SBNO2: variants seen among roughly 807,000 people sequenced by gnomAD.
SBNO2 encodes protein strawberry notch homolog 2.
A neutral mutation model predicts 146.3 loss-of-function variants in SBNO2; 89 were observed. That is an observed-to-expected ratio of 0.61 (90% CI 0.51 to 0.73). The LOEUF (loss-of-function observed/expected upper bound fraction) is 0.73. Among genes scored for constraint, SBNO2 ranks in the 30% least tolerant of loss-of-function variants. The pLI is 0.00. For synonymous variants in SBNO2, 1,147 were observed against 892.6 expected, an observed-to-expected ratio of 1.29 and a Z score of -5.08; for missense variants, 2,092 against 2,003.7, an observed-to-expected ratio of 1.04 and a Z score of -0.84.
chr19:1,113,625 C>T lies in SBNO2; in HGVS notation c.2157G>A (p.Leu719=). 3 of 1,599,618 alleles carry T rather than the reference C, an allele frequency of 1.9e-6. No individual in the cohort carries two copies. The highest frequency in any genetic ancestry group is 2.6e-6 in the Non-Finnish European group (3 of 1,174,658). The change falls in exon 19 of 32, where the codon CTG becomes CTA. Residue 719 remains leucine (L), a synonymous_variant. Transcript: ENST00000361757. Reference sequence around the variant, plus strand: ...CCCGGCCCAGCCGCCGCACTTTGTCCAGCAGATCCTGCTTCAGCCGCTCCA... The same window carrying T: ...CCCGGCCCAGCCGCCGCACTTTGTCTAGCAGATCCTGCTTCAGCCGCTCCA... ...ERVERLKQDL[L]DKVRRLGREL...
chr19:1,114,189 T>TA, intron 18 of SBNO2, 42 bp downstream of exon 18: 1 of 1,407,626 alleles, frequency 7.1e-7, no homozygotes, highest in Non-Finnish European at 9.3e-7. Context: ...TGGACTGGAA[T>TA]CCTGACCCAC....
Position 1,119,526 on chromosome 19 carries a change from T to G in SBNO2, c.1363A>C (p.Ile455Leu), listed in dbSNP as rs764927662. ...GAGAAGGGCACTCACCTCTTCTCGA[T>G]GGCGTGCAGGAACTCCTCAAAGTTC... ...FRNFEEFLHAIEKRGVGAMEI... is the reference protein window; with the variant it reads ...FRNFEEFLHALEKRGVGAMEI... The change falls in exon 13 of 32, where the codon ATC (isoleucine) becomes CTC (leucine). Residue 455 changes from isoleucine to leucine, a missense_variant. Coordinates refer to ENST00000361757, the MANE Select transcript of SBNO2 (RefSeq NM_014963.3). The G allele has an allele frequency of 1.2e-6, 2 of 1,602,472 alleles. No homozygotes were observed. Among genetic ancestry groups the G allele is most frequent in the African/African-American group, 2.7e-5 (2 of 74,666 alleles).
In SBNO2 at chr19:1,109,654, T is replaced by C. The variant is rs748580681; in HGVS notation, c.3123+29A>G. On this transcript the variant is annotated intron_variant, in intron 27 of 31. Coordinates refer to ENST00000361757, the MANE Select transcript of SBNO2 (RefSeq NM_014963.3). The surrounding 1 kb of genome is among the most constrained non-coding windows in gnomAD (Gnocchi z 4.2). ...TGTGGTGGGGGCGGGGTGGGCAGAG[T>C]GTGAGGGGCTGTGGGGCTTCCTGCT... 8 of 1,597,976 alleles carry C rather than the reference T, an allele frequency of 5.0e-6. No homozygotes were observed. The Admixed American group carries it at 1.0e-4, about 20-fold the overall frequency.
chr19:1,138,677 C>A (rs2080107424), intron 4 of SBNO2, among the ~76,000 whole-genome samples: 1 of 151,562 alleles, frequency 6.6e-6, no homozygotes, highest in Non-Finnish European at 1.5e-5. Flanking sequence ...CACAGACAGA[C>A]ACAGTGGGGC....
In SBNO2 at chr19:1,150,101, G is replaced by A. The variant is rs2080228622; in HGVS notation, c.94-659C>T. ...GTCAGTGGAGGCGTGAGTGGCTCCA[G>A]GTTGGCCGAATCTCTGGTGGGTCTG... On this transcript the variant is annotated intron_variant, in intron 2 of 31. Transcript: ENST00000361757. This position sits in a 1 kb window ranked among gnomAD's most constrained non-coding sequence, Gnocchi z 6.2. Among the ~76,000 whole-genome samples the A allele has an allele frequency of 6.6e-6, 1 of 152,278 alleles. No individual in the cohort carries two copies. Among genetic ancestry groups the A allele is most frequent in the African/African-American group, 2.4e-5 (1 of 41,540 alleles).
At chr19:1,130,977 A>T (rs926669027) in intron 4 of SBNO2, among the ~76,000 whole-genome samples, 1 of 152,184 alleles carries the variant, frequency 6.6e-6, no homozygotes, top group Non-Finnish European at 1.5e-5. Flanking sequence ...GATTAGGGAC[A>T]GAGGGAGACG....
At chr19:1,151,208 C>A (rs2145308141) in intron 2 of SBNO2, among the ~76,000 whole-genome samples, 1 of 152,376 alleles carries the variant, frequency 6.6e-6, no homozygotes, top group South Asian at 2.1e-4. Flanking sequence ...AACCCAGCCT[C>A]CTCAGATGAG....
At chr19:1,164,409 AG>A (rs2080382142) in intron 1 of SBNO2, among the ~76,000 whole-genome samples, 2 of 96,390 alleles carry the variant, frequency 2.1e-5, no homozygotes, top group Non-Finnish European at 2.1e-5. Context: ...GAGGAGGAGG[AG>A]GAGGAGGAAC....
At chr19:1,115,718 A>C in intron 17 of SBNO2, 1 of 502,336 alleles carries the variant, frequency 2.0e-6, no homozygotes, top group Non-Finnish European at 3.6e-6. Flanking sequence ...GAGACCCTGA[A>C]AACGGAAGGT....
chr19:1,161,915 G>T (rs1205608691), intron 1 of SBNO2, among the ~76,000 whole-genome samples: 14 of 101,568 alleles, frequency 1.4e-4, no homozygotes, highest in African/African-American at 5.0e-4. Context: ...GCGGGGGGGG[G>T]GGGGGGGGGG....
At position 1,144,752 on chromosome 19, in the gene SBNO2, G is replaced by A. The variant is rs2080171261; in HGVS notation, c.279+2557C>T. On this transcript the variant is annotated intron_variant, in intron 4 of 31. Transcript: ENST00000361757. The surrounding 1 kb of genome is among the most constrained non-coding windows in gnomAD (Gnocchi z 4.1). ...GGGAGACAAAGAGACAGGTGGAGAG[G>A]GAGACAGAGAGACAGAGGCAGAGAC... Among the ~76,000 whole-genome samples, 1 of 145,304 alleles carries A rather than the reference G, an allele frequency of 6.9e-6. No homozygotes were observed. Among genetic ancestry groups the A allele is most frequent in the African/African-American group, 2.6e-5 (1 of 38,724 alleles).
chr19:1,116,798 C>T (rs367860432), intron 16 of SBNO2, 31 bp downstream of exon 16: 298 of 1,536,942 alleles, frequency 1.9e-4, no homozygotes, highest in Non-Finnish European at 2.4e-4. Context: ...GCGCAGGAAG[C>T]CCACAGTCCT....
chr19:1,122,624 C>A, intron 9 of SBNO2, 34 bp downstream of exon 9: 1 of 1,511,330 alleles, frequency 6.6e-7, no homozygotes, highest in Non-Finnish European at 8.9e-7. Context: ...CCCCCCACCC[C>A]CGCTCCCGCC....
Position 1,144,779 on chromosome 19 carries a change from AAGAGACAGAGACAGAGAGGGAGACAG to A in SBNO2, c.279+2504_279+2529del, listed in dbSNP as rs944767939. 5.8e-5 allele frequency among the ~76,000 whole-genome samples: 8 copies of A among 139,036 alleles called. No individual in the cohort carries two copies. The highest frequency in any genetic ancestry group is 9.4e-5 in the Non-Finnish European group (6 of 64,060). 91.2% of individuals were successfully genotyped at this position (139,036 alleles called of 152,430 possible). A position where few individuals can be genotyped will look rare whatever the true frequency, so the allele number is the denominator to read the frequency against. On this transcript the variant is annotated intron_variant, in intron 4 of 31. Coordinates refer to ENST00000361757, the MANE Select transcript of SBNO2 (RefSeq NM_014963.3). This position sits in a 1 kb window ranked among gnomAD's most constrained non-coding sequence, Gnocchi z 4.1. The stretch of plus-strand genomic sequence containing the variant: ...AGACAGAGAGACAGAGGCAGAGACA[AAGAGACAGAGACAGAGAGGGAGACAG>A]AGAGACAGAGACAGAGAGGGAGACA...
Position 1,119,023 on chromosome 19 carries a change from G to C in SBNO2, c.1515C>G (p.Arg505=). ...LAPAFECVYN[R]AALLWAEALN... ...TGCGCAGGCTCACCAGCAGGGCCGC[G>C]CGGTTGTAGACGCACTCGAAGGCTG... is the stretch of plus-strand genomic sequence containing the variant. The change falls in exon 14 of 32, where the codon CGC becomes CGG. Residue 505 remains arginine, a synonymous_variant. Coordinates refer to ENST00000361757, the MANE Select transcript of SBNO2 (RefSeq NM_014963.3). The C allele has an allele frequency of 6.3e-7, 1 of 1,597,014 alleles. No individual in the cohort carries two copies. Among genetic ancestry groups the C allele is most frequent in the Non-Finnish European group, 8.5e-7 (1 of 1,173,912 alleles).
chr19:1,111,567 C>A lies in SBNO2; in HGVS notation c.2748G>T (p.Gln916His). The part of the protein sequence containing the change: ...LHCVLTTILS[Q>H]TENKVPVPQG... Reference sequence around the variant, plus strand: ...GGGGCACAGGCACTTTGTTCTCAGTCTGGCTCAGGATGGTGGTGAGGACAC... The same window carrying A: ...GGGGCACAGGCACTTTGTTCTCAGTATGGCTCAGGATGGTGGTGAGGACAC... The change falls in exon 24 of 32, where the codon CAG (glutamine) becomes CAT (histidine). Residue 916 changes from glutamine to histidine, a missense_variant. Gln to His is a conservative substitution (Grantham distance 24). Transcript: ENST00000361757. The A allele has an allele frequency of 6.3e-7, 1 of 1,598,426 alleles. No individual in the cohort carries two copies. The highest frequency in any genetic ancestry group is 8.5e-7 in the Non-Finnish European group (1 of 1,172,842).
rs887590149 is a variant in SBNO2, at chr19:1,108,530, G to C, written c.3791C>G (p.Pro1264Arg). ...GEVLDLTYSP[P>R]AEAFPPPPHF... ...CGGGGGCGGCGGGAAGGCCTCGGCC[G>C]GGGGGCTGTAGGTGAGGTCCAGCAC... is the stretch of plus-strand genomic sequence containing the variant. The change falls in exon 32 of 32, where the codon CCG becomes CGG. Residue 1264 changes from proline to arginine, a missense_variant. Coordinates refer to ENST00000361757, the MANE Select transcript of SBNO2 (RefSeq NM_014963.3). The C allele has an allele frequency of 4.9e-6, 6 of 1,219,436 alleles. No individual in the cohort carries two copies. The African/African-American group carries it at 6.5e-5, about 13-fold the overall frequency. 75.5% of individuals were successfully genotyped at this position (1,219,436 alleles called of 1,614,324 possible). A position where few individuals can be genotyped will look rare whatever the true frequency, so the allele number is the denominator to read the frequency against.
chr19:1,139,566 G>A (rs1049483135), intron 4 of SBNO2, among the ~76,000 whole-genome samples: 16 of 152,068 alleles, frequency 1.1e-4, no homozygotes, highest in South Asian at 4.1e-4. Flanking sequence ...AGGCCGAGGC[G>A]GATGGATCAC....
At position 1,158,279 on chromosome 19, in the gene SBNO2, G is replaced by T. The variant is rs1299960442; in HGVS notation, c.-126-3877C>A. On this transcript the variant is annotated intron_variant, in intron 1 of 31. Transcript: ENST00000361757. The surrounding 1 kb of genome is among the most constrained non-coding windows in gnomAD (Gnocchi z 9.9). ...CAGACCCGAGCCGTCTGCAGATGGGGAGCTGTGTCCTCGGAGCCCGGTTCT... is the reference window on the plus strand; with the variant it reads ...CAGACCCGAGCCGTCTGCAGATGGGTAGCTGTGTCCTCGGAGCCCGGTTCT... 6.6e-6 allele frequency among the ~76,000 whole-genome samples: 1 copy of T among 151,972 alleles called. No individual in the cohort carries two copies. The highest frequency in any genetic ancestry group is 1.5e-5 in the Non-Finnish European group (1 of 67,972).
Sources: gnomAD v4.1 joint callset for allele counts (sites outside exome capture counted in the v4.1 genomes callset) on GRCh38, gnomAD v4.1.1 for gene constraint, Gnocchi (gnomAD v3.1) non-coding constraint, MANE v1.5 for transcripts, NCBI Gene and HGNC (gene_info 2026-07-23, HGNC 2026-07-21) for gene names.